Variants in CTNNA3 observed in about 807,000 individuals in gnomAD.
CTNNA3 encodes catenin alpha-3.
A neutral mutation model predicts 95.7 loss-of-function variants in CTNNA3; 76 were observed. That is an observed-to-expected ratio of 0.79 (90% confidence interval 0.66 to 0.96). The LOEUF is 0.96. Ranked by LOEUF, CTNNA3 falls within the 40% of genes least tolerant of loss-of-function variation. The pLI is 0.00. For synonymous variants in CTNNA3, 431 were observed against 374.4 expected, an observed-to-expected ratio of 1.15 and a Z score of -1.74; for missense variants, 1,191 against 1,089.8, an observed-to-expected ratio of 1.09 and a Z score of -1.31.
At chr10:67,002,721 A>G (rs760146627) in intron 7 of CTNNA3, among the ~76,000 whole-genome samples, 3 of 152,040 alleles carry the variant, frequency 2.0e-5, no homozygotes, top group Non-Finnish European at 4.4e-5. Flanking sequence ...GTACTAAGTT[A>G]CCAAGCAGAA....
At chr10:66,639,291 T>A in intron 9 of CTNNA3, among the ~76,000 whole-genome samples, 1 of 152,194 alleles carries the variant, frequency 6.6e-6, no homozygotes. Context: ...AAACATTTTA[T>A]TATTTCAAGA....
At chr10:66,385,276 A>C (rs1309040877) in intron 11 of CTNNA3, among the ~76,000 whole-genome samples, 2 of 152,252 alleles carry the variant, frequency 1.3e-5, no homozygotes, top group Non-Finnish European at 2.9e-5. Context: ...CCGATCCCAC[A>C]GAAATACAAA....
At chr10:65,993,885 G>A (rs553671785) in intron 15 of CTNNA3, among the ~76,000 whole-genome samples, 28 of 152,194 alleles carry the variant, frequency 1.8e-4, no homozygotes, top group Non-Finnish European at 3.2e-4. Flanking sequence ...ACAGGCATGT[G>A]CCACCATGCC....
chr10:66,195,648 A>G (rs1024741002), intron 13 of CTNNA3, among the ~76,000 whole-genome samples: 1 of 152,172 alleles, frequency 6.6e-6, no homozygotes, highest in African/African-American at 2.4e-5. Flanking sequence ...AATGCATTTT[A>G]TTTCAATCTT....
At chr10:66,167,553 A>G (rs571576004) in intron 13 of CTNNA3, among the ~76,000 whole-genome samples, 34 of 152,276 alleles carry the variant, frequency 2.2e-4, no homozygotes, top group African/African-American at 6.7e-4. Context: ...ATCATGGAAA[A>G]TAAGAATGTT....
intron 13 of CTNNA3, among the ~76,000 whole-genome samples, chr10:66,187,601 C>T (rs968709330): frequency 2.6e-5 from 4 of 151,706 alleles, no homozygotes; most frequent in Non-Finnish European, 5.9e-5. Flanking sequence ...AGCTCCTCAG[C>T]AAAAGCTGGG....
intron 13 of CTNNA3, among the ~76,000 whole-genome samples, chr10:66,269,638 T>C (rs904444163): frequency 2.6e-5 from 4 of 152,190 alleles, no homozygotes; most frequent in Non-Finnish European, 4.4e-5. Context: ...AATTTATAGA[T>C]AATTTTGTGA....
At chr10:67,151,116 T>C (rs1288118654) in intron 7 of CTNNA3, among the ~76,000 whole-genome samples, 2 of 152,214 alleles carry the variant, frequency 1.3e-5, no homozygotes, top group East Asian at 3.8e-4. Context: ...TTTAAAAATT[T>C]TTTTTCAAGA....
intron 7 of CTNNA3, among the ~76,000 whole-genome samples, chr10:67,173,653 T>C (rs957529563): frequency 6.6e-6 from 1 of 152,204 alleles, no homozygotes; most frequent in Non-Finnish European, 1.5e-5. Context: ...AGGACCCTTA[T>C]ATTTCGTCCA....
intron 5 of CTNNA3, among the ~76,000 whole-genome samples, chr10:67,385,978 T>G (rs1402708068): frequency 6.6e-6 from 1 of 152,194 alleles, no homozygotes; most frequent in East Asian, 1.9e-4. Context: ...AAGGGACATT[T>G]AAATAATATA....
At chr10:66,977,024 G>A (rs1850076846) in intron 7 of CTNNA3, among the ~76,000 whole-genome samples, 1 of 152,122 alleles carries the variant, frequency 6.6e-6, no homozygotes, top group Non-Finnish European at 1.5e-5. Flanking sequence ...ATGCTTCCAG[G>A]AGAATTAGCC....
At chr10:66,813,019 T>C (rs1402368489) in intron 7 of CTNNA3, among the ~76,000 whole-genome samples, 2 of 152,204 alleles carry the variant, frequency 1.3e-5, no homozygotes, top group East Asian at 3.9e-4. Flanking sequence ...CACCTTATAA[T>C]TGTTCATAGT....
At chr10:67,567,401 T>C (rs192791731) in intron 3 of CTNNA3, among the ~76,000 whole-genome samples, 2 of 152,054 alleles carry the variant, frequency 1.3e-5, no homozygotes, top group Non-Finnish European at 2.9e-5. Flanking sequence ...TAAATGAATG[T>C]AGAAAGTGGA....
chr10:67,408,513 T>C (rs2132829692), intron 5 of CTNNA3, among the ~76,000 whole-genome samples: 1 of 152,284 alleles, frequency 6.6e-6, no homozygotes, highest in African/African-American at 2.4e-5. Context: ...TAAATGGTTC[T>C]GGGAGAACTG....
intron 5 of CTNNA3, among the ~76,000 whole-genome samples, chr10:67,289,581 A>C (rs978861985): frequency 6.6e-6 from 1 of 152,170 alleles, no homozygotes; most frequent in African/African-American, 2.4e-5. Flanking sequence ...TACCACAAAG[A>C]AGGCAAATCT....
intron 1 of CTNNA3, among the ~76,000 whole-genome samples, chr10:67,666,242 T>C (rs941626106): frequency 6.6e-6 from 1 of 152,170 alleles, no homozygotes; most frequent in African/African-American, 2.4e-5. Context: ...TATTTGTCAA[T>C]AGCTCTTACA....
chr10:67,334,637 T>C (rs1178368580), intron 5 of CTNNA3: 1 of 152,400 alleles, frequency 6.6e-6, no homozygotes, highest in African/African-American at 2.4e-5. Context: ...TACTGCACTA[T>C]CAAGAGAAGG....
intron 7 of CTNNA3, among the ~76,000 whole-genome samples, chr10:66,974,691 T>A (rs188434794): frequency 6.6e-6 from 1 of 152,298 alleles, no homozygotes; most frequent in East Asian, 1.9e-4. Flanking sequence ...GACTTTTTGT[T>A]TTTGTTTTGT....
chr10:67,271,565 A>G (rs1838977736), intron 5 of CTNNA3, among the ~76,000 whole-genome samples: 1 of 152,146 alleles, frequency 6.6e-6, no homozygotes, highest in Admixed American at 6.6e-5. Context: ...GGACTAATAC[A>G]ACTACACTCT....
Sources: allele counts gnomAD v4.1 joint callset (sites outside exome capture counted in the v4.1 genomes callset), GRCh38; gene constraint gnomAD v4.1.1; transcripts MANE v1.5; gene names NCBI Gene and HGNC (gene_info 2026-07-23, HGNC 2026-07-21).